Variants in EMID1 observed in about 807,000 individuals in gnomAD.
EMID1 encodes the protein EMI domain-containing protein 1.
A neutral mutation model predicts 60.6 loss-of-function variants in EMID1; 40 were observed. The ratio of observed to expected loss-of-function variants is 0.66; its 90% CI spans 0.51 to 0.86. The LOEUF (loss-of-function observed/expected upper bound fraction) is 0.86. Ranked by LOEUF, EMID1 falls within the 40% of genes least tolerant of loss-of-function variation. EMID1 has a pLI of 0.00. For missense variants in EMID1, 585 were observed against 597.1 expected (o/e 0.98, Z 0.21); for synonymous variants, 242 against 231.0 (o/e 1.05, Z -0.43).
intron 13 of EMID1, 73 bp downstream of exon 13, chr22:29,243,562 A>C (rs1184259391): frequency 6.4e-7 from 1 of 1,574,096 alleles, no homozygotes; most frequent in East Asian, 2.2e-5. Flanking sequence ...TTCCCTCCCC[A>C]GGAGGCCCTG....
In EMID1 at chr22:29,215,563, G is replaced by A. The variant is rs1353680765; in HGVS notation, c.252G>A (p.Met84Ile). The change falls in exon 3 of 15, where the codon ATG becomes ATA. Residue 84 changes from methionine (M) to isoleucine (I), a missense_variant. Met to Ile is a conservative substitution (Grantham distance 10). Transcript: ENST00000334018. The part of the protein sequence containing the change: ...RTVVRPTYKV[M>I]YKIVTAREWR... Reference sequence around the variant, plus strand: ...TGGTGAGACCCACATACAAGGTGATGTACAAGATAGTGACCGCCCGTGAGT... The same window carrying A: ...TGGTGAGACCCACATACAAGGTGATATACAAGATAGTGACCGCCCGTGAGT... The A allele has an allele frequency of 1.2e-6, 2 of 1,614,092 alleles. No homozygotes were observed. Among genetic ancestry groups the A allele is most frequent in the Admixed American group, 1.7e-5 (1 of 60,016 alleles).
chr22:29,233,586 G>T (rs1198793141), intron 9 of EMID1, 28 bp from the exon 10 acceptor site: 2 of 1,612,562 alleles, frequency 1.2e-6, no homozygotes, highest in East Asian at 2.2e-5. Context: ...CTTTGTTCCG[G>T]CCCTTAGGAC....
intron 12 of EMID1, among the ~76,000 whole-genome samples, chr22:29,242,458 T>C (rs1684065156): frequency 6.6e-6 from 1 of 152,246 alleles, no homozygotes; most frequent in African/African-American, 2.4e-5. Context: ...ATATTAATCA[T>C]AGATATTTTA....
At chr22:29,224,197 A>C (rs2040408354) in intron 3 of EMID1, among the ~76,000 whole-genome samples, 1 of 152,274 alleles carries the variant, frequency 6.6e-6, no homozygotes, top group South Asian at 2.1e-4. Flanking sequence ...GTCTGGTTTG[A>C]GTTCCCGGCG....
At chr22:29,231,401 C>A in intron 6 of EMID1, 192 bp from the exon 7 acceptor site, 1 of 806,700 alleles carries the variant, frequency 1.2e-6, no homozygotes, top group South Asian at 1.5e-5. Flanking sequence ...TCTGGATGAG[C>A]CTCCCTCCTC....
rs182691468 is a variant in EMID1, at chr22:29,226,674, G to A, written c.465+123G>A. ...GCTCGCACCCTCAGTGAACCCACAG[G>A]GCAGCTCTGAACTGACTCGGCGAGC... On this transcript the variant is annotated intron_variant, in intron 5 of 14. Transcript: ENST00000334018. 1.8e-4 allele frequency: 175 copies of A among 988,742 alleles called. No individual in the cohort carries two copies. The East Asian group carries it at 5.0e-3, about 28-fold the overall frequency. 61.2% of individuals were successfully genotyped at this position (988,742 alleles called of 1,614,324 possible).
chr22:29,215,579 GC>G lies in EMID1; in HGVS notation c.271del (p.Arg91ValfsTer12). 1 of 1,614,122 alleles carries G rather than the reference GC, an allele frequency of 6.2e-7. No homozygotes were observed. Among genetic ancestry groups the G allele is most frequent in the Non-Finnish European group, 8.5e-7 (1 of 1,179,990 alleles). Reference sequence around the variant, plus strand: ...CAAGGTGATGTACAAGATAGTGACCGCCCGTGAGTGGAGGTGCTGCCCTGGG... The same window carrying G: ...CAAGGTGATGTACAAGATAGTGACCGCCGTGAGTGGAGGTGCTGCCCTGGG... ...TYKVMYKIVTAREWRCCPGHS... is the reference protein window; with the variant it reads ...TYKVMYKIVTXREWRCCPGHS... On this transcript the variant is annotated frameshift_variant, in exon 3 of 15. Transcript: ENST00000334018. LOFTEE classifies it high-confidence loss of function.
chr22:29,238,719 ATT>A (rs71196644), intron 12 of EMID1, among the ~76,000 whole-genome samples: 40,010 of 117,360 alleles, frequency 0.34, 8,488 homozygotes, highest in East Asian at 0.64. Context: ...GTGCCCGGCC[ATT>A]TTTTTTTTTT....
chr22:29,234,229 A>C (rs763848265), intron 11 of EMID1, 30 bp downstream of exon 11: 63 of 1,609,036 alleles, frequency 3.9e-5, no homozygotes, highest in Non-Finnish European at 5.3e-5. Flanking sequence ...CAGGTGGGGG[A>C]ATTCTGGGGA....
At chr22:29,214,556 T>G (rs1008091983) in intron 1 of EMID1, among the ~76,000 whole-genome samples, 4 of 152,158 alleles carry the variant, frequency 2.6e-5, no homozygotes, top group African/African-American at 9.7e-5. Context: ...GGCCACTCAC[T>G]GTAGTTGTCC....
Position 29,243,389 on chromosome 22 carries a change from G to A in EMID1, c.1075-56G>A, listed in dbSNP as rs12159824. 2.3e-3 allele frequency: 3,583 copies of A among 1,558,354 alleles called. 67 individuals carry two copies. In the African/African-American group the frequency reaches 0.041, roughly 18 times the overall value. On this transcript the variant is annotated intron_variant, in intron 12 of 14. Coordinates refer to ENST00000334018, the MANE Select transcript of EMID1 (RefSeq NM_133455.4). ...TCTTTTTCCTCCCTCTTTTTTTCCC[G>A]TCCCTTTCTGTCTCCTTGCCTTCCT...
At chr22:29,231,760 G>A in intron 7 of EMID1, 78 bp downstream of exon 7, 2 of 1,342,908 alleles carry the variant, frequency 1.5e-6, no homozygotes, top group Non-Finnish European at 2.0e-6. Flanking sequence ...CTCCTGACAT[G>A]GCCAGGATGA....
chr22:29,227,368 G>A (rs2040553456), intron 5 of EMID1, among the ~76,000 whole-genome samples: 1 of 151,862 alleles, frequency 6.6e-6, no homozygotes, highest in Admixed American at 6.6e-5. Flanking sequence ...GGGATTACAG[G>A]TGTGAGCCGC....
At position 29,206,091 on chromosome 22, in the gene EMID1, G is replaced by A; in HGVS notation, c.53G>A (p.Gly18Glu). ...CTCTGCCTCGGGCTCCTGCTCCCGG[G>A]AGGCGGCGCTGCGTGGAGCATCGGG... Reference protein sequence around the residue: ...ALLCLGLLLPGGGAAWSIGAA... With the variant: ...ALLCLGLLLPEGGAAWSIGAA... Residue 18 changes from glycine to glutamate, a missense_variant, in exon 1 of 15, where the codon GGA (glycine) becomes GAA (glutamate). By Grantham distance (98) the Gly-to-Glu change is moderately conservative. Transcript: ENST00000334018. The A allele has an allele frequency of 2.4e-6, 3 of 1,230,798 alleles. No individual in the cohort carries two copies. Among genetic ancestry groups the A allele is most frequent in the Non-Finnish European group, 3.0e-6 (3 of 987,334 alleles). The allele number at this position is 1,230,798 out of a possible 1,614,324, so 76.2% of individuals were successfully genotyped here. A position where few individuals can be genotyped will look rare whatever the true frequency, so the allele number is the denominator to read the frequency against.
intron 1 of EMID1, among the ~76,000 whole-genome samples, chr22:29,207,077 G>T (rs1205471982): frequency 6.6e-6 from 1 of 152,226 alleles, no homozygotes; most frequent in African/African-American, 2.4e-5. Flanking sequence ...TCAAAGGCCT[G>T]CGCGGCCCCC....
intron 12 of EMID1, among the ~76,000 whole-genome samples, chr22:29,236,890 G>A (rs778207191): frequency 1.2e-4 from 18 of 150,600 alleles, no homozygotes; most frequent in Admixed American, 6.6e-4. Flanking sequence ...TCCGCCTCCC[G>A]GGATCAAGCA....
At chr22:29,237,058 G>A (rs1433881822) in intron 12 of EMID1, among the ~76,000 whole-genome samples, 2 of 152,062 alleles carry the variant, frequency 1.3e-5, no homozygotes, top group Non-Finnish European at 1.5e-5. Context: ...GCCTCCCAAA[G>A]TGCTGGAATT....
intron 14 of EMID1, chr22:29,255,355 TG>T: frequency 6.7e-7 from 1 of 1,498,326 alleles, no homozygotes; most frequent in Non-Finnish European, 9.0e-7. Context: ...AGCCATCATC[TG>T]GCCAGGTAAT....
chr22:29,249,140 C>G (rs558704961), intron 13 of EMID1, among the ~76,000 whole-genome samples: 40 of 152,304 alleles, frequency 2.6e-4, no homozygotes, highest in African/African-American at 9.6e-4. Context: ...ATACCGTCGT[C>G]ATACTTAAGA....
Sources: allele counts gnomAD v4.1 joint callset (sites outside exome capture counted in the v4.1 genomes callset), GRCh38; gene constraint gnomAD v4.1.1; transcripts MANE v1.5; gene names NCBI Gene and HGNC (gene_info 2026-07-23, HGNC 2026-07-21).